Variants in TNRC6B observed in about 807,000 individuals in gnomAD.
The protein encoded by TNRC6B is trinucleotide repeat-containing gene 6B protein.
TNRC6B carries 52 observed loss-of-function variants against 203.6 expected under a neutral mutation model. That is an observed-to-expected ratio of 0.26 (90% confidence interval 0.20 to 0.32). TNRC6B has a LOEUF of 0.32. TNRC6B is among the 10% of genes least tolerant of loss of function. The probability of loss-of-function intolerance (pLI) is 1.00; values close to 1 mark genes in which losing one functional copy is unlikely to be tolerated. For missense variants in TNRC6B, 1,923 were observed against 2,286.2 expected (o/e 0.84, Z 3.24); for synonymous variants, 838 against 845.7 (o/e 0.99, Z 0.16).
chr22:40,282,548 A>G (rs2070732008), intron 11 of TNRC6B, among the ~76,000 whole-genome samples: 1 of 152,346 alleles, frequency 6.6e-6, no homozygotes, highest in East Asian at 1.9e-4. Flanking sequence ...TTCACAGTTA[A>G]TGGTGATTGT....
chr22:40,291,244 G>A (rs1275574915), intron 12 of TNRC6B, among the ~76,000 whole-genome samples: 1 of 151,986 alleles, frequency 6.6e-6, no homozygotes, highest in Non-Finnish European at 1.5e-5. Flanking sequence ...AAATTAGCCG[G>A]GCATGGTGGT....
chr22:40,161,755 T>C (rs192465057), intron 4 of TNRC6B, among the ~76,000 whole-genome samples: 5 of 152,376 alleles, frequency 3.3e-5, no homozygotes, highest in African/African-American at 4.8e-5. Flanking sequence ...ATGGGGTTTA[T>C]TTACTATTAG....
chr22:40,125,898 A>C, intron 3 of TNRC6B: 3 of 1,600,728 alleles, frequency 1.9e-6, no homozygotes, highest in Non-Finnish European at 2.6e-6. Flanking sequence ...TTTGGGTAGA[A>C]ATTGAACAGT....
At chr22:40,236,623 G>T (rs1237842610) in intron 1 of TNRC6B, among the ~76,000 whole-genome samples, 3 of 152,180 alleles carry the variant, frequency 2.0e-5, no homozygotes, top group Non-Finnish European at 4.4e-5. Flanking sequence ...GTTACAGCCA[G>T]TCATCCAGAC....
chr22:40,306,248 T>A (rs1393704662), intron 15 of TNRC6B, among the ~76,000 whole-genome samples: 2 of 152,086 alleles, frequency 1.3e-5, no homozygotes, highest in African/African-American at 2.4e-5. Context: ...GCCAAGATTG[T>A]GCCGCTGCAC....
At chr22:40,158,335 A>G (rs2068836570) in intron 4 of TNRC6B, among the ~76,000 whole-genome samples, 3 of 140,764 alleles carry the variant, frequency 2.1e-5, no homozygotes, top group Non-Finnish European at 3.0e-5. Context: ...GCGAAACTCC[A>G]TCTTCAATAA....
chr22:40,273,541 G>A lies in TNRC6B; in HGVS notation c.3082G>A (p.Gly1028Ser), dbSNP rs2070594989. ...GGVWNTTGSQ[G>S]SASSHNSASW... ...AGTCTGGAACACCACTGGCTCTCAG[G>A]GCAGTGCTTCCTCCCACAACTCAGC... The change falls in exon 7 of 23, where the codon GGC (glycine) becomes AGC (serine). Residue 1028 changes from glycine (G) to serine (S), a missense_variant. Transcript: ENST00000454349. 6.3e-7 allele frequency: 1 copy of A among 1,593,766 alleles called. No individual in the cohort carries two copies. The highest frequency in any genetic ancestry group is 1.3e-5 in the African/African-American group (1 of 74,654).
At chr22:40,097,747 C>T (rs1002114912) in intron 1 of TNRC6B, among the ~76,000 whole-genome samples, 3 of 151,590 alleles carry the variant, frequency 2.0e-5, no homozygotes, top group South Asian at 2.1e-4. Context: ...TATATATACA[C>T]GCAGATAATG....
At chr22:40,221,751 G>GCCT (rs1555890901) in intron 1 of TNRC6B, among the ~76,000 whole-genome samples, 1 of 112,732 alleles carries the variant, frequency 8.9e-6, no homozygotes, top group African/African-American at 3.2e-5. Flanking sequence ...CCTTCTTATT[G>GCCT]CCCCCCCCCC....
chr22:40,058,965 A>G (rs1017398545), intron 1 of TNRC6B, among the ~76,000 whole-genome samples: 1 of 151,934 alleles, frequency 6.6e-6, no homozygotes, highest in Non-Finnish European at 1.5e-5. Flanking sequence ...CCTACGTACT[A>G]TTTTCTTTTC....
intron 1 of TNRC6B, among the ~76,000 whole-genome samples, chr22:40,101,589 CAAATT>C (rs1442914568): frequency 6.6e-6 from 1 of 151,918 alleles, no homozygotes; most frequent in Non-Finnish European, 1.5e-5. Flanking sequence ...CCTCCTGACT[CAAATT>C]AGGACTGCAG....
chr22:40,084,724 A>G lies in TNRC6B; in HGVS notation c.-120-32331A>G, dbSNP rs188526164. Among the ~76,000 whole-genome samples the G allele has an allele frequency of 1.2e-4, 19 of 152,224 alleles. No individual in the cohort carries two copies. The East Asian group carries it at 3.3e-3, about 26-fold the overall frequency. On this transcript the variant is annotated intron_variant, in intron 1 of 23. Transcript: ENST00000301923. ...GTACAAATCCCTCACCTTTGAGGAG[A>G]AGGAGGAGGCTAGGAAGGCTGGAGT...
chr22:40,213,850 C>T (rs1208252408), intron 1 of TNRC6B, among the ~76,000 whole-genome samples: 1 of 152,118 alleles, frequency 6.6e-6, no homozygotes, highest in Non-Finnish European at 1.5e-5. Flanking sequence ...ACTGATAACT[C>T]TTCAAATATG....
intron 12 of TNRC6B, among the ~76,000 whole-genome samples, chr22:40,287,329 C>T (rs1053327340): frequency 2.6e-5 from 4 of 152,094 alleles, no homozygotes; most frequent in African/African-American, 9.7e-5. Context: ...TTTGAAATGC[C>T]CTTTAAGACC....
At chr22:40,130,415 A>T (rs1433172824) in intron 3 of TNRC6B, among the ~76,000 whole-genome samples, 1 of 152,196 alleles carries the variant, frequency 6.6e-6, no homozygotes, top group Non-Finnish European at 1.5e-5. Context: ...AAGACTTGAA[A>T]TGACAAGTTT....
At chr22:40,123,621 G>C (rs544192536) in intron 2 of TNRC6B, among the ~76,000 whole-genome samples, 7 of 152,336 alleles carry the variant, frequency 4.6e-5, no homozygotes, top group African/African-American at 1.4e-4. Flanking sequence ...CGTGGGTCTG[G>C]AGGAAGCAGA....
intron 1 of TNRC6B, among the ~76,000 whole-genome samples, chr22:40,240,017 G>C (rs1005191919): frequency 6.6e-6 from 1 of 151,956 alleles, no homozygotes; most frequent in Non-Finnish European, 1.5e-5. Context: ...ATTTTTAGTA[G>C]AGATGGGGTT....
intron 1 of TNRC6B, among the ~76,000 whole-genome samples, chr22:40,088,584 T>TTGTGTGTGTGTG (rs58537972): frequency 0.021 from 2,648 of 125,160 alleles, 51 homozygotes; most frequent in Middle Eastern, 0.023. Context: ...GCGGCTACTT[T>TTGTGTGTGTGTG]TGTGTGTGTG....
chr22:40,228,181 A>G (rs1192888998), intron 1 of TNRC6B, among the ~76,000 whole-genome samples: 1 of 152,016 alleles, frequency 6.6e-6, no homozygotes, highest in African/African-American at 2.4e-5. Flanking sequence ...TAATCCTAGC[A>G]CTTTGGGAGG....
Sources: allele counts gnomAD v4.1 joint callset (sites outside exome capture counted in the v4.1 genomes callset), GRCh38; gene constraint gnomAD v4.1.1; transcripts MANE v1.5; gene names NCBI Gene and HGNC (gene_info 2026-07-23, HGNC 2026-07-21).